Variants in SEL1L observed in about 807,000 individuals in gnomAD.
SEL1L encodes SEL1L adaptor subunit of SYVN1 ubiquitin ligase, also known as protein sel-1 homolog 1.
SEL1L carries 52 observed loss-of-function variants against 109.8 expected under a neutral mutation model. The ratio of observed to expected loss-of-function variants is 0.47; its 90% CI spans 0.38 to 0.60. The LOEUF is 0.60. Among genes scored for constraint, SEL1L ranks in the 20% least tolerant of loss-of-function variants. The pLI is 0.00. For synonymous variants in SEL1L, 373 were observed against 339.6 expected, an observed-to-expected ratio of 1.10 and a Z score of -1.08; for missense variants, 749 against 962.2, an observed-to-expected ratio of 0.78 and a Z score of 2.93.
At chr14:81,527,035 T>C in intron 2 of SEL1L, 71 bp from the exon 3 acceptor site, 1 of 1,100,056 alleles carries the variant, frequency 9.1e-7, no homozygotes, top group South Asian at 1.3e-5. Context: ...ACCGTTATTT[T>C]TACTAATCCA....
Position 81,527,756 on chromosome 14 carries a change from G to A in SEL1L, c.71-18C>T. 6.4e-7 allele frequency: 1 copy of A among 1,573,600 alleles called. No homozygotes were observed. The highest frequency in any genetic ancestry group is 8.7e-7 in the Non-Finnish European group (1 of 1,148,832). ...TTCTTCATCTGCAAAGAAATTTTAA[G>A]ACAATTTAGTAATCTTTCTTGTTGG... On this transcript the variant is annotated intron_variant, in intron 1 of 20. Coordinates refer to ENST00000336735, the MANE Select transcript of SEL1L (RefSeq NM_005065.6).
chr14:81,533,734 C>T lies in SEL1L; in HGVS notation c.11G>A (p.Arg4Gln), dbSNP rs977506292. 1 of 1,613,492 alleles carries T rather than the reference C, an allele frequency of 6.2e-7. No individual in the cohort carries two copies. Among genetic ancestry groups the T allele is most frequent in the Non-Finnish European group, 8.5e-7 (1 of 1,179,804 alleles). ...ACACAGCAGCAGCGTCAGCCCTATC[C>T]GGACCCGCATCCTCCTCTCGGGGCC... Reference protein sequence around the residue: MRVRIGLTLLLCAV... With the variant: MRVQIGLTLLLCAV... The change falls in exon 1 of 21, where the codon CGG becomes CAG. Residue 4 changes from arginine to glutamine, a missense_variant. Arg to Gln is a conservative substitution (Grantham distance 43, BLOSUM62 1). This residue lies in a region of SEL1L where 366 missense variants were observed against 399.8 expected (regional missense o/e 0.92). Transcript: ENST00000336735.
chr14:81,527,511 C>T (rs972778974), intron 2 of SEL1L, among the ~76,000 whole-genome samples, 190 bp downstream of exon 2: 1 of 151,802 alleles, frequency 6.6e-6, no homozygotes, highest in Non-Finnish European at 1.5e-5. Flanking sequence ...TTACTATTCC[C>T]TCTTGTAGGT....
chr14:81,510,514 C>CTCTCTCTCTCTCTCTCTA (rs35474067), intron 3 of SEL1L, among the ~76,000 whole-genome samples: 31 of 104,080 alleles, frequency 3.0e-4, no homozygotes, highest in Non-Finnish European at 1.8e-4. Context: ...CTCTCTCTCT[C>CTCTCTCTCTCTCTCTCTA]TATATATATA....
At chr14:81,490,283 T>G (rs995948498) in intron 13 of SEL1L, 105 bp downstream of exon 13, 1 of 784,568 alleles carries the variant, frequency 1.3e-6, no homozygotes. Context: ...GTTTCAATAA[T>G]GTATAGCATG....
At chr14:81,498,169 A>T in intron 9 of SEL1L, 123 bp from the exon 10 acceptor site, 1 of 1,026,918 alleles carries the variant, frequency 9.7e-7, no homozygotes. Context: ...CTGTTTTTAC[A>T]GTAGTCTATA....
chr14:81,503,085 C>T (rs1487278576), intron 5 of SEL1L, among the ~76,000 whole-genome samples: 1 of 152,110 alleles, frequency 6.6e-6, no homozygotes, highest in Admixed American at 6.5e-5. Context: ...CTCCACCTCC[C>T]AGGTTCAAGC....
At position 81,475,843 on chromosome 14, in the gene SEL1L, A is replaced by C. The variant is rs1321622831; in HGVS notation, c.*1129T>G. The C allele has an allele frequency of 2.0e-5, 3 of 152,204 alleles. No individual in the cohort carries two copies. 9.4% of individuals were successfully genotyped at this position (152,204 alleles called of 1,614,324 possible). A position where few individuals can be genotyped will look rare whatever the true frequency, so the allele number is the denominator to read the frequency against. ...TCTATTATAATATAAAACTATCAGA[A>C]ATAAAAAGATACCTGAATAGTATAG... On this transcript the variant is annotated 3_prime_UTR_variant, in exon 21 of 21. Coordinates refer to ENST00000336735, the MANE Select transcript of SEL1L (RefSeq NM_005065.6).
intron 5 of SEL1L, 56 bp downstream of exon 5, chr14:81,504,145 T>C: frequency 9.6e-7 from 1 of 1,040,028 alleles, no homozygotes; most frequent in Non-Finnish European, 1.4e-6. Flanking sequence ...GTAGTTGCTA[T>C]TTGTCTCAGT....
At chr14:81,508,494 C>G (rs1015198758) in intron 3 of SEL1L, among the ~76,000 whole-genome samples, 2 of 151,972 alleles carry the variant, frequency 1.3e-5, no homozygotes, top group Non-Finnish European at 2.9e-5. Context: ...GCCTGTAATT[C>G]CCAGCACTTT....
intron 3 of SEL1L, among the ~76,000 whole-genome samples, chr14:81,521,575 TG>T (rs1267277636): frequency 6.6e-6 from 1 of 152,206 alleles, no homozygotes; most frequent in Non-Finnish European, 1.5e-5. Flanking sequence ...TATCACCTAG[TG>T]ATGTCCTAGT....
intron 4 of SEL1L, 146 bp from the exon 5 acceptor site, chr14:81,504,452 G>A: frequency 2.2e-6 from 1 of 462,624 alleles, no homozygotes; most frequent in Non-Finnish European, 3.7e-6. Flanking sequence ...ACTTAAGTGT[G>A]GCCTTTACAT....
chr14:81,486,518 C>G, intron 16 of SEL1L, 64 bp from the exon 17 acceptor site: 1 of 1,529,736 alleles, frequency 6.5e-7, no homozygotes, highest in Non-Finnish European at 9.0e-7. Flanking sequence ...CAGAAAATCA[C>G]TTATGCACTT....
intron 14 of SEL1L, 139 bp downstream of exon 14, chr14:81,489,113 C>T (rs1883446687): frequency 1.3e-6 from 1 of 750,398 alleles, no homozygotes; most frequent in Non-Finnish European, 2.4e-6. Context: ...GTGAGACAAA[C>T]TCAGACAACA....
At chr14:81,495,377 G>T (rs1378556681) in intron 10 of SEL1L, among the ~76,000 whole-genome samples, 1 of 152,194 alleles carries the variant, frequency 6.6e-6, no homozygotes, top group Non-Finnish European at 1.5e-5. Context: ...GGTGGCTCAC[G>T]CCTGTAACCT....
intron 8 of SEL1L, 62 bp from the exon 9 acceptor site, chr14:81,498,556 G>A: frequency 1.6e-6 from 2 of 1,284,610 alleles, no homozygotes; most frequent in South Asian, 2.5e-5. Flanking sequence ...ATTCTTCGTG[G>A]AACAAATAAA....
chr14:81,522,388 G>A (rs1189026999), intron 3 of SEL1L, among the ~76,000 whole-genome samples: 2 of 152,070 alleles, frequency 1.3e-5, no homozygotes, highest in African/African-American at 2.4e-5. Context: ...CTAGACAAGC[G>A]TACCATTTAA....
chr14:81,504,751 T>C (rs544725375), intron 4 of SEL1L, among the ~76,000 whole-genome samples: 8 of 152,048 alleles, frequency 5.3e-5, no homozygotes, highest in Non-Finnish European at 8.8e-5. Context: ...GGGGTGGTTT[T>C]TCATGAATGG....
In SEL1L at chr14:81,473,075, G is replaced by A. The variant is rs1200777771; in HGVS notation, c.*3897C>T. ...TAAATACAAAATACATTTACAAAAA[G>A]AGTCTACCATGGTGTTCCTTCACAA... On this transcript the variant is annotated 3_prime_UTR_variant, in exon 21 of 21. Coordinates refer to ENST00000336735, the MANE Select transcript of SEL1L (RefSeq NM_005065.6). The A allele has an allele frequency of 6.6e-6, 1 of 152,478 alleles. No individual in the cohort carries two copies. The highest frequency in any genetic ancestry group is 1.5e-5 in the Non-Finnish European group (1 of 68,184). The allele number at this position is 152,478 out of a possible 1,614,324, so 9.4% of individuals were successfully genotyped here.
Sources: gnomAD v4.1 joint callset for allele counts (sites outside exome capture counted in the v4.1 genomes callset) on GRCh38, gnomAD v4.1.1 for gene constraint, gnomAD v4.1.1 regional missense constraint, MANE v1.5 for transcripts, NCBI Gene and HGNC (gene_info 2026-07-23, HGNC 2026-07-21) for gene names.